The following ECPAS variants were observed in gnomAD, a reference collection of about 807,000 sequenced individuals.
ECPAS encodes the protein proteasome adapter and scaffold protein ECM29.
A neutral mutation model predicts 255.1 loss-of-function variants in ECPAS; 70 were observed. The ratio of observed to expected loss-of-function variants is 0.27; its 90% CI spans 0.23 to 0.33. ECPAS has a LOEUF of 0.33. Among genes scored for constraint, ECPAS ranks in the 10% least tolerant of loss-of-function variants. The pLI is 1.00. For synonymous variants in ECPAS, 784 were observed against 775.0 expected, an observed-to-expected ratio of 1.01 and a Z score of -0.19; for missense variants, 1,817 against 2,206.4, an observed-to-expected ratio of 0.82 and a Z score of 3.54.
intron 29 of ECPAS, among the ~76,000 whole-genome samples, chr9:111,391,222 T>C (rs2098159498): frequency 6.6e-6 from 1 of 151,912 alleles, no homozygotes; most frequent in South Asian, 2.1e-4. Flanking sequence ...CCTAGGGCAC[T>C]CCCCAGTAAA....
intron 35 of ECPAS, among the ~76,000 whole-genome samples, chr9:111,381,218 G>A (rs946111610): frequency 5.9e-5 from 9 of 152,134 alleles, no homozygotes; most frequent in African/African-American, 1.9e-4. Flanking sequence ...TTTAGACAGA[G>A]GGCATTGTGG....
At chr9:111,394,081 C>G in intron 26 of ECPAS, 79 bp downstream of exon 26, 20 of 1,326,222 alleles carry the variant, frequency 1.5e-5, no homozygotes, top group Non-Finnish European at 1.7e-5. Context: ...TGGTTAATGA[C>G]CTTCACCCTC....
At chr9:111,472,259 A>C (rs963522326) in intron 2 of ECPAS, among the ~76,000 whole-genome samples, 3 of 152,074 alleles carry the variant, frequency 2.0e-5, no homozygotes, top group Non-Finnish European at 4.4e-5. Context: ...AAAAAAAATT[A>C]AAAAATTTAA....
intron 2 of ECPAS, among the ~76,000 whole-genome samples, chr9:111,467,844 C>T (rs956444256): frequency 6.6e-6 from 1 of 152,132 alleles, no homozygotes; most frequent in Non-Finnish European, 1.5e-5. Flanking sequence ...GTGAGGTGCA[C>T]TTATAGATGC....
In ECPAS at chr9:111,478,544, CAAAT is replaced by C. The variant is rs200378116; in HGVS notation, c.-82-5548_-82-5545del. On this transcript the variant is annotated intron_variant, in intron 1 of 49. Coordinates refer to ENST00000684092, the MANE Select transcript of ECPAS (RefSeq NM_001364929.1). ...TCCATCTCAAAAACAAAATAATAAA[CAAAT>C]AAATAAATAAATAAAATAAAAGAGA... Among the ~76,000 whole-genome samples the C allele has an allele frequency of 1.9e-3, 281 of 151,436 alleles. 1 individual carries two copies. Among genetic ancestry groups the C allele is most frequent in the Non-Finnish European group, 3.3e-3 (221 of 67,932 alleles).
At position 111,391,741 on chromosome 9, in the gene ECPAS, AT is replaced by A; in HGVS notation, c.3161+14del. The A allele has an allele frequency of 6.6e-7, 1 of 1,526,600 alleles. No individual in the cohort carries two copies. The highest frequency in any genetic ancestry group is 9.1e-7 in the Non-Finnish European group (1 of 1,103,902). The allele number at this position is 1,526,600 out of a possible 1,614,324, so 94.6% of individuals were successfully genotyped here. ...TTTAAAGATGTTTACCATTCAATGGATTTAGCATACTTACCCATCTGGTGTT... is the reference window on the plus strand; with the variant it reads ...TTTAAAGATGTTTACCATTCAATGGATTAGCATACTTACCCATCTGGTGTT... On this transcript the variant is annotated intron_variant, in intron 29 of 49. Coordinates refer to ENST00000684092, the MANE Select transcript of ECPAS (RefSeq NM_001364929.1).
rs1410220300 is a variant in ECPAS at position 111,385,342 on chromosome 9, T to G, written c.3628A>C (p.Ile1210Leu). 7.1e-7 allele frequency: 1 copy of G among 1,413,052 alleles called. No individual in the cohort carries two copies. Among genetic ancestry groups the G allele is most frequent in the South Asian group, 1.3e-5 (1 of 79,652 alleles). The allele number at this position is 1,413,052 out of a possible 1,614,324, so 87.5% of individuals were successfully genotyped here. A position where few individuals can be genotyped will look rare whatever the true frequency, so the allele number is the denominator to read the frequency against. Residue 1210 changes from isoleucine to leucine, a missense_variant, in exon 33 of 50, where the codon ATC becomes CTC. Around this residue, in one of 4 missense-constraint regions of ECPAS, gnomAD observed 960 missense variants for 1,179.0 expected, o/e 0.81. Coordinates refer to ENST00000684092, the MANE Select transcript of ECPAS (RefSeq NM_001364929.1). ...WETLFRVQDD[I>L]KESVRKAAEL... The stretch of plus-strand genomic sequence containing the variant: ...CTGATTTATTTCTATAATACCTTGA[T>G]ATCATCTTGTACTCTAAAAAGCGTT...
intron 1 of ECPAS, among the ~76,000 whole-genome samples, chr9:111,473,415 G>A (rs2098291836): frequency 6.6e-6 from 1 of 152,136 alleles, no homozygotes. Flanking sequence ...CATTACATAT[G>A]AGAACGCAAA....
intron 16 of ECPAS, among the ~76,000 whole-genome samples, chr9:111,418,257 G>C (rs918176332): frequency 6.6e-6 from 1 of 151,958 alleles, no homozygotes; most frequent in Non-Finnish European, 1.5e-5. Context: ...AACAAGATAG[G>C]GTACTTTAAG....
intron 25 of ECPAS, among the ~76,000 whole-genome samples, chr9:111,396,570 A>G (rs2098167972): frequency 6.6e-6 from 1 of 152,146 alleles, no homozygotes; most frequent in Admixed American, 6.5e-5. Flanking sequence ...TTATTTTTTG[A>G]GACAGAGTCT....
chr9:111,484,151 C>A lies in ECPAS; in HGVS notation c.-118G>T. ...GCCGGTCTCCATGCCGCGGACGCTG[C>A]GCTCGGCGCCGCGAGGTGAGGGCTG... On this transcript the variant is annotated 5_prime_UTR_variant, in exon 1 of 50. Coordinates refer to ENST00000684092, the MANE Select transcript of ECPAS (RefSeq NM_001364929.1). 1 of 1,468,086 alleles carries A rather than the reference C, an allele frequency of 6.8e-7. No homozygotes were observed. Among genetic ancestry groups the A allele is most frequent in the Non-Finnish European group, 9.0e-7 (1 of 1,112,632 alleles). 90.9% of individuals were successfully genotyped at this position (1,468,086 alleles called of 1,614,324 possible). A position where few individuals can be genotyped will look rare whatever the true frequency, so the allele number is the denominator to read the frequency against.
chr9:111,420,189 C>A (rs1294935185), intron 15 of ECPAS, 69 bp from the exon 16 acceptor site: 18 of 1,011,156 alleles, frequency 1.8e-5, no homozygotes, highest in Non-Finnish European at 3.1e-6. Flanking sequence ...AATTACCAGC[C>A]ATTCATTCCA....
intron 32 of ECPAS, among the ~76,000 whole-genome samples, chr9:111,386,087 C>T (rs2098147932): frequency 6.6e-6 from 1 of 152,174 alleles, no homozygotes; most frequent in Admixed American, 6.5e-5. Flanking sequence ...CCTCAGCCTC[C>T]CATGTAGCTG....
At chr9:111,449,367 T>C (rs1005706905) in intron 3 of ECPAS, among the ~76,000 whole-genome samples, 10 of 152,230 alleles carry the variant, frequency 6.6e-5, no homozygotes, top group Admixed American at 6.5e-4. Context: ...CCATTTGAAA[T>C]AATGATAACA....
In ECPAS at chr9:111,425,396, A is replaced by G. The variant is rs768016762; in HGVS notation, c.1215+22T>C. ...CTTTAAGATATAAAATGTTGATAAA[A>G]TTTAAAAGACAAGTCACTTACCTCT... On this transcript the variant is annotated intron_variant, in intron 12 of 49. Coordinates refer to ENST00000684092, the MANE Select transcript of ECPAS (RefSeq NM_001364929.1). The G allele has an allele frequency of 3.4e-6, 5 of 1,476,282 alleles. No homozygotes were observed. The African/African-American group carries it at 5.8e-5, about 17-fold the overall frequency. 91.4% of individuals were successfully genotyped at this position (1,476,282 alleles called of 1,614,324 possible). A position where few individuals can be genotyped will look rare whatever the true frequency, so the allele number is the denominator to read the frequency against.
At chr9:111,482,241 C>G (rs1451724088) in intron 1 of ECPAS, among the ~76,000 whole-genome samples, 1 of 152,180 alleles carries the variant, frequency 6.6e-6, no homozygotes, top group Non-Finnish European at 1.5e-5. Context: ...ACCTTGTCTC[C>G]TCCGACTCTC....
At chr9:111,473,414 T>C (rs1313928762) in intron 1 of ECPAS, among the ~76,000 whole-genome samples, 3 of 152,208 alleles carry the variant, frequency 2.0e-5, no homozygotes, top group African/African-American at 7.2e-5. Flanking sequence ...ACATTACATA[T>C]GAGAACGCAA....
chr9:111,370,770 G>A lies in ECPAS; in HGVS notation c.4738-5C>T. The A allele has an allele frequency of 1.3e-6, 2 of 1,598,802 alleles. No homozygotes were observed. The highest frequency in any genetic ancestry group is 1.7e-6 in the Non-Finnish European group (2 of 1,172,202). The stretch of plus-strand genomic sequence containing the variant: ...AATGGCTTTCAATAGCTCCTCCTAA[G>A]GGGTTGAAAGATGAGGAAATACTAT... On this transcript the variant is annotated splice_polypyrimidine_tract_variant and splice_region_variant and intron_variant, in intron 43 of 49. Coordinates refer to ENST00000684092, the MANE Select transcript of ECPAS (RefSeq NM_001364929.1).
At chr9:111,399,403 G>C (rs948892251) in intron 24 of ECPAS, among the ~76,000 whole-genome samples, 1 of 152,208 alleles carries the variant, frequency 6.6e-6, no homozygotes, top group Middle Eastern at 3.2e-3. Flanking sequence ...GTCCCAGGCA[G>C]CACAGCTTGG....
Sources: allele counts gnomAD v4.1 joint callset (sites outside exome capture counted in the v4.1 genomes callset), GRCh38; gene constraint gnomAD v4.1.1; regional missense constraint gnomAD v4.1.1; transcripts MANE v1.5; gene names NCBI Gene and HGNC (gene_info 2026-07-23, HGNC 2026-07-21).